PKIB: variants seen among roughly 807,000 people sequenced by gnomAD.
PKIB encodes PKI-beta.
A neutral mutation model predicts 4.5 loss-of-function variants in PKIB; 2 were observed. That is an observed-to-expected ratio of 0.44 (90% confidence interval 0.18 to 1.39). The LOEUF is 1.39. Ranked by LOEUF, PKIB falls within the 40% of genes most tolerant of loss-of-function variation. PKIB has a pLI of 0.27. For synonymous variants in PKIB, 38 were observed against 36.0 expected (o/e 1.06, Z -0.20); for missense variants, 94 against 92.6 (o/e 1.02, Z -0.06).
At chr6:122,478,945 C>T (rs1346175541) in intron 2 of PKIB, 3 of 152,144 alleles carry the variant, frequency 2.0e-5, no homozygotes, top group Non-Finnish European at 2.9e-5. Context: ...AGTATCTGGG[C>T]TAGAATGCAC....
At chr6:122,537,644 T>A (rs971235637) in intron 2 of PKIB, among the ~76,000 whole-genome samples, 2 of 152,186 alleles carry the variant, frequency 1.3e-5, no homozygotes. Flanking sequence ...AACATACGTG[T>A]GCATGTGTCT....
intron 3 of PKIB, among the ~76,000 whole-genome samples, chr6:122,716,044 A>G (rs1244526036): frequency 6.6e-6 from 1 of 152,196 alleles, no homozygotes; most frequent in African/African-American, 2.4e-5. Flanking sequence ...TTGAATAAAA[A>G]TGCTGGTTTT....
At chr6:122,650,047 G>C (rs561681316) in intron 2 of PKIB, among the ~76,000 whole-genome samples, 1 of 152,248 alleles carries the variant, frequency 6.6e-6, no homozygotes, top group African/African-American at 2.4e-5. Flanking sequence ...CGATAAATTG[G>C]CCAAAGTAGT....
chr6:122,619,256 G>T (rs1775121850), intron 1 of PKIB, among the ~76,000 whole-genome samples: 1 of 152,098 alleles, frequency 6.6e-6, no homozygotes, highest in South Asian at 2.1e-4. Context: ...CACGTAGTTT[G>T]TGAAGTTTAA....
intron 3 of PKIB, among the ~76,000 whole-genome samples, chr6:122,694,022 A>G (rs1055858863): frequency 1.3e-5 from 2 of 152,198 alleles, no homozygotes; most frequent in Non-Finnish European, 2.9e-5. Flanking sequence ...GTAGGCTTCC[A>G]AGGTCGTGCG....
chr6:122,568,628 A>G (rs1439036277), intron 2 of PKIB, among the ~76,000 whole-genome samples: 1 of 152,204 alleles, frequency 6.6e-6, no homozygotes, highest in Non-Finnish European at 1.5e-5. Flanking sequence ...GGGGCCCTCA[A>G]AGAAGTCAGC....
chr6:122,654,767 AT>A (rs1475125617), intron 2 of PKIB, among the ~76,000 whole-genome samples: 4 of 152,076 alleles, frequency 2.6e-5, no homozygotes, highest in Non-Finnish European at 5.9e-5. Flanking sequence ...CTAGATTTCT[AT>A]TTTTTTAACT....
intron 4 of PKIB, among the ~76,000 whole-genome samples, chr6:122,720,147 A>G (rs1011216619): frequency 6.6e-6 from 1 of 152,228 alleles, no homozygotes; most frequent in African/African-American, 2.4e-5. Context: ...GAGGTGAGGA[A>G]GATCTGCAGA....
At chr6:122,697,043 C>A (rs559632469) in intron 3 of PKIB, among the ~76,000 whole-genome samples, 29 of 152,274 alleles carry the variant, frequency 1.9e-4, no homozygotes, top group African/African-American at 7.0e-4. Flanking sequence ...GGACATGGCA[C>A]ACCTTGCAGG....
At chr6:122,655,401 T>G (rs1776729527) in intron 2 of PKIB, among the ~76,000 whole-genome samples, 1 of 152,188 alleles carries the variant, frequency 6.6e-6, no homozygotes, top group African/African-American at 2.4e-5. Context: ...ATGGAATTAG[T>G]GCCTTTTGAA....
chr6:122,723,643 T>G (rs1779828522), intron 4 of PKIB, among the ~76,000 whole-genome samples: 1 of 152,140 alleles, frequency 6.6e-6, no homozygotes, highest in Non-Finnish European at 1.5e-5. Context: ...AAATCCTTCC[T>G]GCATATTATT....
At chr6:122,521,784 T>C (rs1776955281) in intron 2 of PKIB, among the ~76,000 whole-genome samples, 1 of 152,202 alleles carries the variant, frequency 6.6e-6, no homozygotes, top group Admixed American at 6.5e-5. Flanking sequence ...TTTTTCACTT[T>C]TTTTATTTGC....
At chr6:122,578,126 G>A (rs562446422) in intron 2 of PKIB, among the ~76,000 whole-genome samples, 139 of 151,978 alleles carry the variant, frequency 9.1e-4, no homozygotes, top group Non-Finnish European at 1.9e-3. Flanking sequence ...AAATTAGAAG[G>A]AAATGTAGAT....
upstream of PKIB, among the ~76,000 whole-genome samples, chr6:122,606,706 T>C (rs1774550220): frequency 1.3e-5 from 2 of 152,128 alleles, no homozygotes; most frequent in Non-Finnish European, 2.9e-5. Flanking sequence ...CCTTCTGGTG[T>C]AGGTCACCAA....
intron 2 of PKIB, among the ~76,000 whole-genome samples, chr6:122,660,929 T>C (rs1776960218): frequency 1.3e-5 from 2 of 152,202 alleles, no homozygotes; most frequent in Admixed American, 1.3e-4. Flanking sequence ...ATAGATTAAA[T>C]ATTTATACTT....
At chr6:122,536,672 A>C (rs1777415037) in intron 2 of PKIB, among the ~76,000 whole-genome samples, 1 of 152,134 alleles carries the variant, frequency 6.6e-6, no homozygotes, top group Non-Finnish European at 1.5e-5. Flanking sequence ...TTTATTTATG[A>C]AAAAACTTTT....
rs755022170 is a variant in PKIB at position 122,675,106 on chromosome 6, C to A, written c.-47C>A. 1.3e-5 allele frequency: 2 copies of A among 152,042 alleles called. No homozygotes were observed. Among genetic ancestry groups the A allele is most frequent in the African/African-American group, 2.4e-5 (1 of 41,232 alleles). 9.4% of individuals were successfully genotyped at this position (152,042 alleles called of 1,614,324 possible). Reference sequence around the variant, plus strand: ...AGAAAGTTTATCAGAATTTTTTAAACCTGTCTCAGAAATAACAACATATTT... The same window carrying A: ...AGAAAGTTTATCAGAATTTTTTAAAACTGTCTCAGAAATAACAACATATTT... On this transcript the variant is annotated 5_prime_UTR_variant, in exon 3 of 5. Coordinates refer to ENST00000368452, the MANE Select transcript of PKIB (RefSeq NM_181795.3).
intron 2 of PKIB, among the ~76,000 whole-genome samples, chr6:122,568,684 G>A (rs1773266117): frequency 6.6e-6 from 1 of 152,174 alleles, no homozygotes; most frequent in Non-Finnish European, 1.5e-5. Flanking sequence ...GCTCCCCACT[G>A]AATTTTGTAA....
intron 2 of PKIB, among the ~76,000 whole-genome samples, chr6:122,511,324 T>C (rs1776578004): frequency 6.6e-6 from 1 of 152,224 alleles, no homozygotes; most frequent in Non-Finnish European, 1.5e-5. Flanking sequence ...GTATCAACTT[T>C]TACCCCACCA....
Sources: allele counts gnomAD v4.1 joint callset (sites outside exome capture counted in the v4.1 genomes callset), GRCh38; gene constraint gnomAD v4.1.1; transcripts MANE v1.5; gene names NCBI Gene and HGNC (gene_info 2026-07-23, HGNC 2026-07-21).